CEMIP: variants seen among roughly 807,000 people sequenced by gnomAD.
The protein encoded by CEMIP is cell migration inducing hyaluronidase 1.
Under a neutral mutation model 156.9 loss-of-function variants are expected in CEMIP, and 105 were observed. The ratio of observed to expected loss-of-function variants is 0.67; its 90% confidence interval spans 0.57 to 0.79. CEMIP has a LOEUF of 0.79. Ranked by LOEUF, CEMIP falls within the 30% of genes least tolerant of loss-of-function variation. The pLI, the probability that CEMIP is intolerant of heterozygous loss-of-function variation, is 0.00. For missense variants in CEMIP, 1,457 were observed against 1,769.4 expected (o/e 0.82, Z 3.17); for synonymous variants, 676 against 668.4 (o/e 1.01, Z -0.17).
At chr15:80,842,073 T>G (rs1897436572) in intron 1 of CEMIP, 2 of 530,736 alleles carry the variant, frequency 3.8e-6, no homozygotes, top group South Asian at 2.8e-5. Flanking sequence ...GTTGCATGTC[T>G]ATCAGAAGAT....
At chr15:80,819,099 A>G (rs530823803) in intron 1 of CEMIP, among the ~76,000 whole-genome samples, 1 of 152,300 alleles carries the variant, frequency 6.6e-6, no homozygotes, top group South Asian at 2.1e-4. Flanking sequence ...AGAGAATGCC[A>G]TTTTCTGAGT....
intron 1 of CEMIP, among the ~76,000 whole-genome samples, chr15:80,825,575 C>T (rs1897016808): frequency 6.6e-6 from 1 of 152,214 alleles, no homozygotes; most frequent in Admixed American, 6.5e-5. Context: ...TGAGCATTGG[C>T]CAAGCCACAG....
chr15:80,864,960 GA>G (rs1898086402), intron 1 of CEMIP, among the ~76,000 whole-genome samples: 1 of 152,064 alleles, frequency 6.6e-6, no homozygotes, highest in Admixed American at 6.6e-5. Flanking sequence ...GCTGTTCAGG[GA>G]ATACCACCGT....
intron 1 of CEMIP, among the ~76,000 whole-genome samples, chr15:80,781,210 T>G (rs1016561615): frequency 5.9e-5 from 9 of 152,210 alleles, no homozygotes; most frequent in Non-Finnish European, 1.3e-4. Context: ...ATTAAATTAT[T>G]TATTTAGTAC....
chr15:80,868,664 A>G (rs1258711152), intron 1 of CEMIP, among the ~76,000 whole-genome samples: 1 of 152,182 alleles, frequency 6.6e-6, no homozygotes, highest in Non-Finnish European at 1.5e-5. Flanking sequence ...GGCAGGTTTG[A>G]ACTTTGTCAC....
rs537424319 is a variant in CEMIP, at chr15:80,925,867, G to C, written c.2420+112G>C. The C allele has an allele frequency of 3.5e-6, 5 of 1,443,220 alleles. No homozygotes were observed. In the African/African-American group the frequency reaches 7.1e-5, roughly 20 times the overall value. The allele number at this position is 1,443,220 out of a possible 1,614,324, so 89.4% of individuals were successfully genotyped here. ...GAGAGGGGAAGCCAGACATACTGACGTTTGGCCTTCTGGTCCCCCAGCCAG... is the reference window on the plus strand; with the variant it reads ...GAGAGGGGAAGCCAGACATACTGACCTTTGGCCTTCTGGTCCCCCAGCCAG... On this transcript the variant is annotated intron_variant, in intron 19 of 29. Transcript: ENST00000394685.
intron 16 of CEMIP, among the ~76,000 whole-genome samples, chr15:80,921,549 G>C (rs1900471407): frequency 6.6e-6 from 1 of 152,286 alleles, no homozygotes; most frequent in Non-Finnish European, 1.5e-5. Flanking sequence ...TAGCTGGGAG[G>C]TGGTGGCCAG....
intron 1 of CEMIP, among the ~76,000 whole-genome samples, chr15:80,813,466 C>T (rs1313128685): frequency 1.3e-5 from 2 of 151,680 alleles, no homozygotes; most frequent in Non-Finnish European, 2.9e-5. Context: ...TCTCCTGCCT[C>T]AGCCTCCCAA....
chr15:80,909,196 G>T lies in CEMIP; in HGVS notation c.1687G>T (p.Gly563Cys). ...GQYPIHFHLA[G>C]DVDERGGYDP... ...GTACCCGATTCACTTCCACCTGGCC[G>T]GTGATGTAGACGAAAGGGGAGGTTA... Residue 563 changes from glycine to cysteine, a missense_variant, in exon 14 of 30, where the codon GGT (glycine) becomes TGT (cysteine). Physicochemically the swap from Gly to Cys is radical, Grantham distance 159. Coordinates refer to ENST00000394685, the MANE Select transcript of CEMIP (RefSeq NM_001293298.2). The T allele has an allele frequency of 6.2e-7, 1 of 1,614,154 alleles. No homozygotes were observed. The highest frequency in any genetic ancestry group is 8.5e-7 in the Non-Finnish European group (1 of 1,180,024).
At chr15:80,791,402 G>A (rs751789332) in intron 1 of CEMIP, among the ~76,000 whole-genome samples, 3 of 152,322 alleles carry the variant, frequency 2.0e-5, no homozygotes, top group East Asian at 3.9e-4. Flanking sequence ...CTAGGGCTCA[G>A]TAAATACCCT....
chr15:80,930,975 A>G (rs1297125404), intron 21 of CEMIP, among the ~76,000 whole-genome samples: 1 of 152,250 alleles, frequency 6.6e-6, no homozygotes, highest in Non-Finnish European at 1.5e-5. Context: ...CAGGAAGCCC[A>G]GCCAGCCTCG....
intron 25 of CEMIP, among the ~76,000 whole-genome samples, chr15:80,940,235 A>C (rs1901287326): frequency 6.6e-6 from 1 of 152,190 alleles, no homozygotes; most frequent in Admixed American, 6.5e-5. Context: ...CAGTTCAGCC[A>C]GCTTGCACAC....
intron 25 of CEMIP, among the ~76,000 whole-genome samples, chr15:80,938,845 G>A (rs1901235239): frequency 6.6e-6 from 1 of 152,144 alleles, no homozygotes; most frequent in Non-Finnish European, 1.5e-5. Context: ...CAGCTCCACA[G>A]CAACGTCGAT....
chr15:80,919,222 C>T (rs545069272), intron 14 of CEMIP, among the ~76,000 whole-genome samples: 2 of 152,226 alleles, frequency 1.3e-5, no homozygotes, highest in South Asian at 4.2e-4. Flanking sequence ...AATGAGGGTA[C>T]AATAAGGAGC....
At chr15:80,830,215 G>A (rs1181373151) in intron 1 of CEMIP, among the ~76,000 whole-genome samples, 2 of 152,014 alleles carry the variant, frequency 1.3e-5, no homozygotes, top group East Asian at 3.9e-4. Context: ...CCTCCTATTG[G>A]TCATTGGCTC....
chr15:80,799,788 A>T (rs1269112192), intron 1 of CEMIP, among the ~76,000 whole-genome samples: 1 of 152,212 alleles, frequency 6.6e-6, no homozygotes, highest in Non-Finnish European at 1.5e-5. Context: ...GTATAACCAG[A>T]GGTCTTCATC....
At chr15:80,926,662 G>A (rs138845917) in intron 19 of CEMIP, among the ~76,000 whole-genome samples, 1 of 152,118 alleles carries the variant, frequency 6.6e-6, no homozygotes, top group Non-Finnish European at 1.5e-5. Flanking sequence ...GAAGATGCTT[G>A]AGAGACAGAG....
At chr15:80,887,364 T>C (rs1898879994) in intron 7 of CEMIP, among the ~76,000 whole-genome samples, 1 of 152,184 alleles carries the variant, frequency 6.6e-6, no homozygotes, top group South Asian at 2.1e-4. Flanking sequence ...CAGGACATAA[T>C]TGAGCCTGGC....
chr15:80,932,302 A>G lies in CEMIP; in HGVS notation c.2793+263A>G, dbSNP rs575681278. On this transcript the variant is annotated intron_variant, in intron 22 of 29. Transcript: ENST00000394685. This position sits in a 1 kb window ranked among gnomAD's most constrained non-coding sequence, Gnocchi z 4.5. ...TCAGGCGAGCCTCTGGAGGAACCCG[A>G]CGTGTGGACTGAGGTTCCTAGGCTG... is the stretch of plus-strand genomic sequence containing the variant. Among the ~76,000 whole-genome samples, 25 of 152,284 alleles carry G rather than the reference A, an allele frequency of 1.6e-4. No individual in the cohort carries two copies. The highest frequency in any genetic ancestry group is 6.0e-4 in the African/African-American group (25 of 41,552).
Sources: gnomAD v4.1 joint callset for allele counts (sites outside exome capture counted in the v4.1 genomes callset) on GRCh38, gnomAD v4.1.1 for gene constraint, Gnocchi (gnomAD v3.1) non-coding constraint, MANE v1.5 for transcripts, NCBI Gene and HGNC (gene_info 2026-07-23, HGNC 2026-07-21) for gene names.